The following MDN1 variants were observed in gnomAD, a reference collection of about 807,000 sequenced individuals.
The protein encoded by MDN1 is midasin.
Under a neutral mutation model 669.2 loss-of-function variants are expected in MDN1, and 266 were observed. The ratio of observed to expected loss-of-function variants is 0.40; its 90% confidence interval spans 0.36 to 0.44. MDN1 has a LOEUF of 0.44. Ranked by LOEUF, MDN1 falls within the 20% of genes least tolerant of loss-of-function variation. The pLI is 1.00. For synonymous variants in MDN1, 2,385 were observed against 2,457.1 expected (o/e 0.97, Z 0.87); for missense variants, 5,940 against 6,754.0 (o/e 0.88, Z 4.22).
At chr6:89,808,120 T>C (rs1768134560) in intron 1 of MDN1, among the ~76,000 whole-genome samples, 1 of 151,954 alleles carries the variant, frequency 6.6e-6, no homozygotes. Context: ...AACATTCATA[T>C]CATTATATAA....
Position 89,766,821 on chromosome 6 carries a change from T to G in MDN1, c.2145-4291A>C, listed in dbSNP as rs79826851. ...ATTGCATGCTCCTGCCATATGCTCT[T>G]CTGGGCAGTTTCTTTTAAAGACTGT... is the stretch of plus-strand genomic sequence containing the variant. On this transcript the variant is annotated intron_variant, in intron 15 of 101. Coordinates refer to ENST00000369393, the MANE Select transcript of MDN1 (RefSeq NM_014611.3). Among the ~76,000 whole-genome samples the G allele has an allele frequency of 4.3e-3, 658 of 152,354 alleles. 2 individuals are homozygous for G. The highest frequency in any genetic ancestry group is 5.7e-3 in the Non-Finnish European group (388 of 68,032).
chr6:89,658,548 A>G (rs1809493712), intron 89 of MDN1, 62 bp downstream of exon 89: 5 of 1,556,548 alleles, frequency 3.2e-6, no homozygotes, highest in Non-Finnish European at 4.3e-6. Context: ...TCTAATGGGA[A>G]TAAGGTGACT....
chr6:89,734,114 G>C lies in MDN1; in HGVS notation c.4724-1339C>G, dbSNP rs535127439. 9.9e-5 allele frequency among the ~76,000 whole-genome samples: 15 copies of C among 151,956 alleles called. No individual in the cohort carries two copies. The South Asian group carries it at 3.1e-3, about 32-fold the overall frequency. On this transcript the variant is annotated intron_variant, in intron 33 of 101. Coordinates refer to ENST00000369393, the MANE Select transcript of MDN1 (RefSeq NM_014611.3). ...ACCCTGGCCAACATGGTGAAACCCCGTCTCTACTAAAAATACAAAAATTAG... is the reference window on the plus strand; with the variant it reads ...ACCCTGGCCAACATGGTGAAACCCCCTCTCTACTAAAAATACAAAAATTAG...
intron 79 of MDN1, 32 bp from the exon 80 acceptor site, chr6:89,673,494 A>G (rs771582932): frequency 1.3e-6 from 2 of 1,593,514 alleles, no homozygotes; most frequent in Admixed American, 3.4e-5. Flanking sequence ...GTTGAAAGGA[A>G]TGCATTACAG....
chr6:89,791,203 T>C lies in MDN1; in HGVS notation c.856-802A>G, dbSNP rs138214053. On this transcript the variant is annotated intron_variant, in intron 5 of 101. Coordinates refer to ENST00000369393, the MANE Select transcript of MDN1 (RefSeq NM_014611.3). ...AGCCAAAAAAGCTGATGCACAAAGG[T>C]AGGGAAGAGCAAACCTCATCTATTA... Among the ~76,000 whole-genome samples, 263 of 152,206 alleles carry C rather than the reference T, an allele frequency of 1.7e-3. 1 individual carries two copies. Among genetic ancestry groups the C allele is most frequent in the African/African-American group, 5.8e-3 (242 of 41,516 alleles).
chr6:89,798,719 AT>A (rs1188675947), intron 2 of MDN1, among the ~76,000 whole-genome samples: 1 of 152,246 alleles, frequency 6.6e-6, no homozygotes, highest in Non-Finnish European at 1.5e-5. Flanking sequence ...ACACTTTTAT[AT>A]AAACTATCCC....
intron 1 of MDN1, among the ~76,000 whole-genome samples, chr6:89,810,683 T>C (rs183984224): frequency 6.6e-6 from 1 of 152,200 alleles, no homozygotes; most frequent in East Asian, 1.9e-4. Context: ...CTTCCCTTTA[T>C]GTCTTTCTCT....
At chr6:89,772,817 G>A in intron 13 of MDN1, 96 bp from the exon 14 acceptor site, 1 of 1,346,674 alleles carries the variant, frequency 7.4e-7, no homozygotes. Flanking sequence ...CAACAAGGAT[G>A]AGAAAACAGC....
chr6:89,708,410 A>G lies in MDN1; in HGVS notation c.7898+86T>C, dbSNP rs1462972706. On this transcript the variant is annotated intron_variant, in intron 51 of 101. Transcript: ENST00000369393. ...CTCAGGTTCACAAAATTCAACACAC[A>G]TAAGCTATTTGACAGATTCTTAGGA... 6.0e-6 allele frequency: 9 copies of G among 1,510,642 alleles called. No homozygotes were observed. The Admixed American group carries it at 1.2e-4, about 20-fold the overall frequency. 93.6% of individuals were successfully genotyped at this position (1,510,642 alleles called of 1,614,324 possible). A position where few individuals can be genotyped will look rare whatever the true frequency, so the allele number is the denominator to read the frequency against.
intron 5 of MDN1, among the ~76,000 whole-genome samples, chr6:89,791,131 A>C (rs1211340241): frequency 6.6e-6 from 1 of 152,330 alleles, no homozygotes; most frequent in African/African-American, 2.4e-5. Flanking sequence ...GGAAGTAGGG[A>C]ATCAGAATTT....
rs775525049 is a variant in MDN1 at position 89,730,885 on chromosome 6, G to A, written c.4981C>T (p.Arg1661Ter). The A allele has an allele frequency of 1.9e-6, 3 of 1,613,718 alleles. No homozygotes were observed. The highest frequency in any genetic ancestry group is 1.1e-5 in the South Asian group (1 of 91,060). Reference sequence around the variant, plus strand: ...ATTAGAAATTTCAGACATTCTTTTCGTGCCAAAAGGGCTGTACCAAACCCA... The same window carrying A: ...ATTAGAAATTTCAGACATTCTTTTCATGCCAAAAGGGCTGTACCAAACCCA... Reference protein sequence around the residue: ...SSGFGTALLARKECLKFLIKR... With the variant: ...SSGFGTALLA Residue 1661 changes from arginine (R) to a stop codon, truncating the protein, a stop_gained, in exon 35 of 102, where the codon CGA (arginine) becomes TGA (stop). Transcript: ENST00000369393. LOFTEE classifies it high-confidence loss of function.
chr6:89,703,228 G>A (rs1813279018), intron 53 of MDN1, among the ~76,000 whole-genome samples: 2 of 152,232 alleles, frequency 1.3e-5, no homozygotes, highest in African/African-American at 2.4e-5. Flanking sequence ...ATGAGCCACT[G>A]TGCCTGGCTA....
chr6:89,699,413 G>A (rs1349316067), intron 58 of MDN1, among the ~76,000 whole-genome samples, 188 bp downstream of exon 58: 1 of 152,142 alleles, frequency 6.6e-6, no homozygotes, highest in African/African-American at 2.4e-5. Context: ...GATAAGAGTT[G>A]TAATATACCC....
At position 89,688,070 on chromosome 6, in the gene MDN1, T is replaced by C; in HGVS notation, c.11355+8A>G. ...CAACTAAAATGAGGAAGAGAGGTAT[T>C]AGCTCACCTGTGCCTTTGCCAGAAG... On this transcript the variant is annotated splice_region_variant and intron_variant, in intron 67 of 101. Coordinates refer to ENST00000369393, the MANE Select transcript of MDN1 (RefSeq NM_014611.3). The C allele has an allele frequency of 6.2e-7, 1 of 1,608,954 alleles. No homozygotes were observed. Among genetic ancestry groups the C allele is most frequent in the Non-Finnish European group, 8.5e-7 (1 of 1,175,306 alleles).
intron 73 of MDN1, 64 bp from the exon 74 acceptor site, chr6:89,680,815 AC>A: frequency 6.5e-7 from 1 of 1,534,174 alleles, no homozygotes; most frequent in African/African-American, 1.4e-5. Context: ...CTGCAAGGGA[AC>A]TAAATTTAAC....
chr6:89,698,885 C>G lies in MDN1; in HGVS notation c.9148G>C (p.Val3050Leu), dbSNP rs1450905425. The G allele has an allele frequency of 6.2e-7, 1 of 1,613,866 alleles. No individual in the cohort carries two copies. Among genetic ancestry groups the G allele is most frequent in the Non-Finnish European group, 8.5e-7 (1 of 1,179,968 alleles). ...CAAACCTTCAATGTGGAGTCCAAAA[C>G]AGACTTGGGTGCCTCCCTCTGCTGC... The part of the protein sequence containing the change: ...GMQQREAPKS[V>L]LDSTLKGPGN... The change falls in exon 59 of 102, where the codon GTT (valine) becomes CTT (leucine). Residue 3050 changes from valine (V) to leucine (L), a missense_variant. Around this residue, in one of 5 missense-constraint regions of MDN1, gnomAD observed 2,292 missense variants for 2,638.3 expected, o/e 0.87. Coordinates refer to ENST00000369393, the MANE Select transcript of MDN1 (RefSeq NM_014611.3).
chr6:89,803,890 CTTTTCTT>C (rs1473955447), intron 1 of MDN1, among the ~76,000 whole-genome samples: 9 of 93,220 alleles, frequency 9.7e-5, no homozygotes, highest in South Asian at 3.5e-4. Context: ...CTTTTCTTTT[CTTTTCTT>C]TTTTTTTTTT....
intron 29 of MDN1, 83 bp from the exon 30 acceptor site, chr6:89,743,797 A>AC: frequency 6.8e-7 from 1 of 1,471,912 alleles, no homozygotes; most frequent in Non-Finnish European, 9.3e-7. Context: ...AAAGAGAAGA[A>AC]CCACTGTGGG....
At chr6:89,804,501 G>A (rs997091949) in intron 1 of MDN1, among the ~76,000 whole-genome samples, 1 of 152,102 alleles carries the variant, frequency 6.6e-6, no homozygotes, top group African/African-American at 2.4e-5. Flanking sequence ...ACAATCTCCA[G>A]GGAATTCAAA....
Sources: allele counts gnomAD v4.1 joint callset (sites outside exome capture counted in the v4.1 genomes callset), GRCh38; gene constraint gnomAD v4.1.1; regional missense constraint gnomAD v4.1.1; transcripts MANE v1.5; gene names NCBI Gene and HGNC (gene_info 2026-07-23, HGNC 2026-07-21).